GPC5: variants seen among roughly 807,000 people sequenced by gnomAD.
GPC5 encodes the protein glypican 5.
GPC5 carries 47 observed loss-of-function variants against 53.9 expected under a neutral mutation model. The ratio of observed to expected loss-of-function variants is 0.87; its 90% CI spans 0.69 to 1.11. The LOEUF (loss-of-function observed/expected upper bound fraction) is 1.11. GPC5 is among the 50% of genes most tolerant of loss of function. The pLI is 0.00. For synonymous variants in GPC5, 286 were observed against 263.3 expected (o/e 1.09, Z -0.84); for missense variants, 748 against 713.1 (o/e 1.05, Z -0.56).
intron 7 of GPC5, among the ~76,000 whole-genome samples, chr13:92,580,813 C>T (rs1214055022): frequency 1.3e-5 from 2 of 152,130 alleles, no homozygotes; most frequent in Non-Finnish European, 2.9e-5. Flanking sequence ...CTCCATGATC[C>T]AGTCACCTCC....
chr13:92,368,116 C>G (rs2043620563), intron 7 of GPC5, among the ~76,000 whole-genome samples: 1 of 151,994 alleles, frequency 6.6e-6, no homozygotes, highest in Non-Finnish European at 1.5e-5. Flanking sequence ...TCCTGAGTAG[C>G]TGAGATTACA....
At chr13:91,404,842 C>T (rs1235361843) in intron 1 of GPC5, among the ~76,000 whole-genome samples, 1 of 152,142 alleles carries the variant, frequency 6.6e-6, no homozygotes, top group East Asian at 1.9e-4. Context: ...ACCGAAATGC[C>T]TTTGCATTGT....
intron 7 of GPC5, among the ~76,000 whole-genome samples, chr13:92,640,624 T>C (rs1885564549): frequency 6.6e-6 from 1 of 152,074 alleles, no homozygotes; most frequent in Non-Finnish European, 1.5e-5. Context: ...AATGTCTGGC[T>C]CCAAGGCTGT....
At chr13:92,609,368 T>C (rs890130191) in intron 7 of GPC5, among the ~76,000 whole-genome samples, 6 of 152,158 alleles carry the variant, frequency 3.9e-5, no homozygotes, top group African/African-American at 1.4e-4. Context: ...CCTCCTTTCT[T>C]TTCAGTTTTT....
intron 1 of GPC5, among the ~76,000 whole-genome samples, chr13:91,428,681 G>T (rs916344327): frequency 6.6e-6 from 1 of 152,036 alleles, no homozygotes; most frequent in Non-Finnish European, 1.5e-5. Flanking sequence ...TATTTGATGA[G>T]AACTTCCTGT....
chr13:91,992,127 TC>T (rs1274847028), intron 6 of GPC5, among the ~76,000 whole-genome samples: 1 of 152,134 alleles, frequency 6.6e-6, no homozygotes, highest in Admixed American at 6.5e-5. Context: ...AACCTTGAAC[TC>T]CTGGGCTCAA....
At chr13:92,421,495 C>T (rs902182351) in intron 7 of GPC5, among the ~76,000 whole-genome samples, 1 of 152,004 alleles carries the variant, frequency 6.6e-6, no homozygotes. Flanking sequence ...GTCAGGAGAT[C>T]GAAACCATCC....
At chr13:92,667,208 G>T (rs919413186) in intron 7 of GPC5, among the ~76,000 whole-genome samples, 4 of 152,144 alleles carry the variant, frequency 2.6e-5, no homozygotes, top group African/African-American at 4.8e-5. Flanking sequence ...GTCTGTGTGT[G>T]TACGGAAATG....
At chr13:92,245,853 C>T (rs537677044) in intron 7 of GPC5, among the ~76,000 whole-genome samples, 10 of 151,962 alleles carry the variant, frequency 6.6e-5, no homozygotes, top group Non-Finnish European at 1.5e-4. Context: ...ATTTTAACAT[C>T]TTTTTGTGGA....
intron 2 of GPC5, among the ~76,000 whole-genome samples, chr13:91,628,129 T>C (rs1038527449): frequency 4.6e-5 from 7 of 152,136 alleles, no homozygotes; most frequent in Non-Finnish European, 1.0e-4. Flanking sequence ...TTTGTTTTGG[T>C]GTTAATGTTA....
chr13:92,304,380 A>G (rs1373493460), intron 7 of GPC5, among the ~76,000 whole-genome samples: 2 of 151,468 alleles, frequency 1.3e-5, no homozygotes, highest in South Asian at 2.1e-4. Context: ...AATTTTTTGT[A>G]TTTTTAGTAG....
intron 5 of GPC5, among the ~76,000 whole-genome samples, chr13:91,773,624 T>G (rs1164920903): frequency 2.0e-5 from 3 of 152,244 alleles, no homozygotes; most frequent in Non-Finnish European, 4.4e-5. Flanking sequence ...TGTGATAGTT[T>G]CAATATGATC....
rs923257960 is a variant in GPC5 at position 92,030,607 on chromosome 13, TC to T, written c.1402-114219del. 2.8e-4 allele frequency among the ~76,000 whole-genome samples: 43 copies of T among 152,134 alleles called. 1 individual carries two copies. The highest frequency in any genetic ancestry group is 9.4e-4 in the African/African-American group (39 of 41,508). On this transcript the variant is annotated intron_variant, in intron 6 of 7. Transcript: ENST00000377067. ...CTCTCTAAGGCTTCTGCCCTAACAC[TC>T]CCCACAAACTGTTCTATTAAGGTCA...
At chr13:91,967,538 G>T (rs527957927) in intron 6 of GPC5, among the ~76,000 whole-genome samples, 1 of 151,980 alleles carries the variant, frequency 6.6e-6, no homozygotes, top group Non-Finnish European at 1.5e-5. Flanking sequence ...TTTTTGTTCA[G>T]ATTTTTGAAA....
At chr13:91,652,930 A>G (rs2034752452) in intron 2 of GPC5, among the ~76,000 whole-genome samples, 1 of 152,230 alleles carries the variant, frequency 6.6e-6, no homozygotes, top group Non-Finnish European at 1.5e-5. Flanking sequence ...GTCTCTGGCT[A>G]AAGAATATTA....
At chr13:91,705,144 T>C (rs2036071856) in intron 3 of GPC5, among the ~76,000 whole-genome samples, 1 of 152,216 alleles carries the variant, frequency 6.6e-6, no homozygotes, top group South Asian at 2.1e-4. Flanking sequence ...ATAGGAATTT[T>C]CAAAGTCTTC....
intron 2 of GPC5, among the ~76,000 whole-genome samples, chr13:91,497,699 G>T (rs576729863): frequency 6.6e-6 from 1 of 152,320 alleles, no homozygotes; most frequent in Admixed American, 6.5e-5. Flanking sequence ...GGAAGGCAGG[G>T]CAGCAGTTTT....
In GPC5 at chr13:91,399,126, T is replaced by A. The variant is rs202210528; in HGVS notation, c.80T>A (p.Val27Glu). ...GTTGGGTCCGCCCGCAGCGAGGGCG[T>A]GCAGACCTGCGAAGAAGTTCGGAAA... ...ALVGSARSEG[V>E]QTCEEVRKLF... Residue 27 changes from valine to glutamate, a missense_variant, in exon 1 of 8, where the codon GTG becomes GAG. By Grantham distance (121) the Val-to-Glu change is moderately radical. Transcript: ENST00000377067. 55 of 1,612,320 alleles carry A rather than the reference T, an allele frequency of 3.4e-5. No homozygotes were observed. Among genetic ancestry groups the A allele is most frequent in the Non-Finnish European group, 4.5e-5 (53 of 1,179,364 alleles).
At position 91,422,582 on chromosome 13, in the gene GPC5, G is replaced by C. The variant is rs192453514; in HGVS notation, c.163+23373G>C. Among the ~76,000 whole-genome samples, 18 of 152,140 alleles carry C rather than the reference G, an allele frequency of 1.2e-4. No homozygotes were observed. In the East Asian group the frequency reaches 3.1e-3, roughly 26 times the overall value. ...ACCCAGAAGGCAGAGTTTGCAGTGA[G>C]CCCAGATCACGCCATTGCATTCCAG... is the stretch of plus-strand genomic sequence containing the variant. On this transcript the variant is annotated intron_variant, in intron 1 of 7. Coordinates refer to ENST00000377067, the MANE Select transcript of GPC5 (RefSeq NM_004466.6).
Sources: gnomAD v4.1 joint callset for allele counts (sites outside exome capture counted in the v4.1 genomes callset) on GRCh38, gnomAD v4.1.1 for gene constraint, MANE v1.5 for transcripts, NCBI Gene and HGNC (gene_info 2026-07-23, HGNC 2026-07-21) for gene names.